GRK3: variants seen among roughly 807,000 people sequenced by gnomAD.
GRK3 encodes the protein G protein-coupled receptor kinase 3, also known as adrenergic, beta, receptor kinase 2.
A neutral mutation model predicts 95.7 loss-of-function variants in GRK3; 54 were observed. The ratio of observed to expected loss-of-function variants is 0.56; its 90% CI spans 0.45 to 0.71. The LOEUF (loss-of-function observed/expected upper bound fraction) is 0.71. Ranked by LOEUF, GRK3 falls within the 30% of genes least tolerant of loss-of-function variation. GRK3 has a pLI of 0.00. For synonymous variants in GRK3, 281 were observed against 290.8 expected (o/e 0.97, Z 0.34); for missense variants, 649 against 851.2 (o/e 0.76, Z 2.96).
intron 18 of GRK3, 133 bp from the exon 19 acceptor site, chr22:25,718,112 C>T: frequency 3.1e-6 from 3 of 969,676 alleles, no homozygotes; most frequent in Non-Finnish European, 4.7e-6. Flanking sequence ...AAAATCGTGA[C>T]TTCTGTAATG....
chr22:25,693,290 C>T (rs372141022), intron 12 of GRK3, among the ~76,000 whole-genome samples: 28 of 152,324 alleles, frequency 1.8e-4, no homozygotes, highest in African/African-American at 6.3e-4. Flanking sequence ...CAGAAAACCT[C>T]AGCAGCAGGC....
At chr22:25,597,275 A>C (rs1249617379) in intron 1 of GRK3, among the ~76,000 whole-genome samples, 1 of 152,168 alleles carries the variant, frequency 6.6e-6, no homozygotes, top group Non-Finnish European at 1.5e-5. Flanking sequence ...AAAATCAGTG[A>C]AAGATAGAAA....
chr22:25,705,931 C>T (rs938368031), intron 15 of GRK3, among the ~76,000 whole-genome samples: 1 of 152,166 alleles, frequency 6.6e-6, no homozygotes, highest in Non-Finnish European at 1.5e-5. Flanking sequence ...GGTTACCACT[C>T]GCGATGGCAG....
intron 2 of GRK3, among the ~76,000 whole-genome samples, chr22:25,610,948 G>A (rs1451063944): frequency 1.3e-5 from 2 of 151,996 alleles, no homozygotes; most frequent in African/African-American, 2.4e-5. Context: ...TGCAACCTCC[G>A]CCTCCTGGGT....
intron 1 of GRK3, among the ~76,000 whole-genome samples, chr22:25,596,205 T>C (rs2084371437): frequency 6.6e-6 from 1 of 152,180 alleles, no homozygotes; most frequent in African/African-American, 2.4e-5. Flanking sequence ...AGAGTATTCA[T>C]GGGGAAAAAT....
At chr22:25,601,452 T>A (rs1237455362) in intron 1 of GRK3, among the ~76,000 whole-genome samples, 2 of 152,144 alleles carry the variant, frequency 1.3e-5, no homozygotes, top group Non-Finnish European at 2.9e-5. Context: ...AGAAGATAAT[T>A]AGAATAGGAT....
intron 6 of GRK3, among the ~76,000 whole-genome samples, chr22:25,669,377 T>C (rs138670232): frequency 1.4e-4 from 21 of 152,292 alleles, no homozygotes; most frequent in African/African-American, 5.1e-4. Flanking sequence ...CCTCTTCTAG[T>C]TGAGAGCTAT....
intron 1 of GRK3, among the ~76,000 whole-genome samples, chr22:25,570,585 A>G (rs891580929): frequency 1.3e-5 from 2 of 152,262 alleles, no homozygotes; most frequent in African/African-American, 2.4e-5. Flanking sequence ...CTGCATGGCT[A>G]TCATTGTCTC....
intron 1 of GRK3, among the ~76,000 whole-genome samples, chr22:25,583,608 G>A (rs1932184005): frequency 6.6e-6 from 1 of 152,090 alleles, no homozygotes; most frequent in African/African-American, 2.4e-5. Flanking sequence ...GGGATGAGTG[G>A]GGTTCACTGT....
At chr22:25,594,971 C>T (rs573578237) in intron 1 of GRK3, among the ~76,000 whole-genome samples, 14 of 152,174 alleles carry the variant, frequency 9.2e-5, no homozygotes, top group Non-Finnish European at 1.6e-4. Flanking sequence ...AAATCCAGTA[C>T]GCTTCATGTT....
chr22:25,617,076 C>G (rs1249578977), intron 2 of GRK3, among the ~76,000 whole-genome samples: 1 of 152,132 alleles, frequency 6.6e-6, no homozygotes, highest in Admixed American at 6.5e-5. Flanking sequence ...CCCAGAGAGT[C>G]TGTTTATAAC....
intron 3 of GRK3, chr22:25,648,912 A>T (rs1285820730): frequency 1.7e-5 from 15 of 897,184 alleles, no homozygotes; most frequent in Non-Finnish European, 2.8e-5. Context: ...ATTTCCAATC[A>T]AATGGACAGC....
At chr22:25,635,091 C>G (rs540793346) in intron 2 of GRK3, among the ~76,000 whole-genome samples, 1 of 152,294 alleles carries the variant, frequency 6.6e-6, no homozygotes, top group African/African-American at 2.4e-5. Context: ...CACATAAATT[C>G]ATAAACTTCC....
intron 1 of GRK3, among the ~76,000 whole-genome samples, chr22:25,590,596 T>C (rs1932458559): frequency 6.6e-6 from 1 of 152,116 alleles, no homozygotes; most frequent in Admixed American, 6.6e-5. Context: ...CTGAGGCGGA[T>C]GGATCATAAG....
intron 8 of GRK3, among the ~76,000 whole-genome samples, chr22:25,677,056 A>G (rs1479339974): frequency 6.6e-6 from 1 of 152,166 alleles, no homozygotes; most frequent in Non-Finnish European, 1.5e-5. Flanking sequence ...TTTGGTCTGC[A>G]ATCTAAAGGT....
intron 13 of GRK3, among the ~76,000 whole-genome samples, chr22:25,697,224 T>C (rs992832488): frequency 6.6e-5 from 10 of 152,206 alleles, no homozygotes; most frequent in African/African-American, 2.2e-4. Context: ...AAAATGGCCA[T>C]GCATATAGGC....
intron 1 of GRK3, among the ~76,000 whole-genome samples, chr22:25,594,127 C>T (rs113593273): frequency 0.024 from 3,593 of 152,168 alleles, 48 homozygotes; most frequent in East Asian, 0.037. Context: ...AGTTTTTACC[C>T]ATCCTGTGAA....
intron 1 of GRK3, chr22:25,580,640 TCTC>T (rs1932066239): frequency 6.6e-6 from 1 of 152,042 alleles, no homozygotes; most frequent in Non-Finnish European, 1.5e-5. Context: ...TTCAAGCAAT[TCTC>T]CTGCCTCAGC....
intron 2 of GRK3, among the ~76,000 whole-genome samples, chr22:25,622,605 A>G (rs2146359232): frequency 6.6e-6 from 1 of 152,282 alleles, no homozygotes; most frequent in Non-Finnish European, 1.5e-5. Context: ...TTTGAGTGTG[A>G]TGGGAAGCTC....
Sources: allele counts gnomAD v4.1 joint callset (sites outside exome capture counted in the v4.1 genomes callset), GRCh38; gene constraint gnomAD v4.1.1; transcripts MANE v1.5; gene names NCBI Gene and HGNC (gene_info 2026-07-23, HGNC 2026-07-21).